The following RAB6A variants were observed in gnomAD, a reference collection of about 807,000 sequenced individuals.
RAB6A encodes the protein RAB6A, member RAS oncogene family.
In RAB6A, 8 loss-of-function variants were observed where a neutral mutation model predicts 32.3. The observed-to-expected ratio is 0.25, with a 90% CI of 0.15 to 0.45. RAB6A has a LOEUF of 0.45. Ranked by LOEUF, RAB6A falls within the 20% of genes least tolerant of loss-of-function variation. RAB6A has a pLI of 1.00. For synonymous variants in RAB6A, 73 were observed against 82.1 expected (o/e 0.89, Z 0.60); for missense variants, 104 against 249.4 (o/e 0.42, Z 3.93).
At chr11:73,691,480 CTTTCAGAGT>C (rs1945562830) in intron 6 of RAB6A, among the ~76,000 whole-genome samples, 1 of 152,214 alleles carries the variant, frequency 6.6e-6, no homozygotes, top group South Asian at 2.1e-4. Context: ...ACCAGTAGTT[CTTTCAGAGT>C]TATTTACTGC....
At chr11:73,726,155 C>G (rs535825558) in intron 2 of RAB6A, among the ~76,000 whole-genome samples, 1 of 151,388 alleles carries the variant, frequency 6.6e-6, no homozygotes, top group African/African-American at 2.4e-5. Flanking sequence ...TGTGGTGGTG[C>G]GCATGTGTAG....
intron 6 of RAB6A, among the ~76,000 whole-genome samples, chr11:73,686,425 G>C (rs1007858795): frequency 6.6e-6 from 1 of 152,046 alleles, no homozygotes. Flanking sequence ...GTGGTGGCAG[G>C]CACCTGTAAT....
intron 2 of RAB6A, among the ~76,000 whole-genome samples, chr11:73,721,720 A>G (rs1946135111): frequency 6.6e-6 from 1 of 152,182 alleles, no homozygotes; most frequent in Non-Finnish European, 1.5e-5. Flanking sequence ...GTTTGTGTGC[A>G]CATATACTAT....
chr11:73,713,073 T>C (rs1945990312), intron 5 of RAB6A, among the ~76,000 whole-genome samples: 3 of 152,132 alleles, frequency 2.0e-5, no homozygotes, highest in African/African-American at 7.2e-5. Flanking sequence ...ATCTTATAAC[T>C]TCAGAGGTGA....
At chr11:73,709,617 T>C (rs1305074490) in intron 5 of RAB6A, among the ~76,000 whole-genome samples, 1 of 150,100 alleles carries the variant, frequency 6.7e-6, no homozygotes, top group Non-Finnish European at 1.5e-5. Context: ...TGATTTATGG[T>C]ATGACATGTT....
At chr11:73,718,014 T>A in intron 4 of RAB6A, among the ~76,000 whole-genome samples, 1 of 152,208 alleles carries the variant, frequency 6.6e-6, no homozygotes, top group East Asian at 1.9e-4. Context: ...TTGTTTCACC[T>A]CCTATTTAAA....
intron 1 of RAB6A, among the ~76,000 whole-genome samples, chr11:73,738,597 T>A (rs1452563800): frequency 6.6e-6 from 1 of 152,078 alleles, no homozygotes; most frequent in Non-Finnish European, 1.5e-5. Context: ...TACTATAAAC[T>A]GTGATAGTGC....
At chr11:73,722,299 G>A (rs1946144907) in intron 2 of RAB6A, 1 of 27,506 alleles carries the variant, frequency 3.6e-5, no homozygotes, top group Non-Finnish European at 6.7e-5. Flanking sequence ...ATATATATGT[G>A]TGTGTGTATA....
intron 1 of RAB6A, chr11:73,759,918 C>T (rs777589508): frequency 4.0e-6 from 3 of 751,492 alleles, no homozygotes; most frequent in Admixed American, 5.5e-5. Context: ...CCACTGCCGA[C>T]GCTACCCCTT....
intron 6 of RAB6A, among the ~76,000 whole-genome samples, chr11:73,703,903 G>A (rs572863350): frequency 1.0e-4 from 15 of 150,678 alleles, no homozygotes; most frequent in Admixed American, 8.6e-4. Flanking sequence ...GGTGGCATGC[G>A]CCTGTAGTCC....
chr11:73,681,391 T>C (rs530924349), intron 6 of RAB6A, among the ~76,000 whole-genome samples: 43 of 152,328 alleles, frequency 2.8e-4, no homozygotes, highest in African/African-American at 1.0e-3. Context: ...AAAACCTCAC[T>C]TGGCTGAAAT....
chr11:73,681,079 TA>T (rs1390723923), intron 6 of RAB6A, among the ~76,000 whole-genome samples: 2 of 152,206 alleles, frequency 1.3e-5, no homozygotes, highest in African/African-American at 4.8e-5. Context: ...ACCCATAAAT[TA>T]AATGCATATG....
intron 5 of RAB6A, among the ~76,000 whole-genome samples, chr11:73,714,704 G>A (rs905635901): frequency 1.3e-5 from 2 of 151,736 alleles, no homozygotes; most frequent in African/African-American, 4.8e-5. Context: ...GGCAGGGCGC[G>A]GTGGCTCACG....
chr11:73,731,239 ACT>A lies in RAB6A; in HGVS notation c.71-418_71-417del, dbSNP rs1946296592. Among the ~76,000 whole-genome samples the A allele has an allele frequency of 2.0e-5, 3 of 151,980 alleles. No individual in the cohort carries two copies. In the South Asian group the frequency reaches 6.2e-4, roughly 32 times the overall value. ...GGGGTATGAGGGCTACAAGAACTAC[ACT>A]GTTTTAAGAGTGAGAAAAACTGGCC... is the stretch of plus-strand genomic sequence containing the variant. On this transcript the variant is annotated intron_variant, in intron 1 of 7. Transcript: ENST00000336083.
chr11:73,728,610 A>AAAT (rs71065031), intron 2 of RAB6A, among the ~76,000 whole-genome samples: 8,696 of 136,386 alleles, frequency 0.064, 304 homozygotes, highest in Middle Eastern at 0.1. Context: ...GTCTTTGTTT[A>AAAT]AATAATAATA....
chr11:73,698,358 C>T (rs76052288), intron 6 of RAB6A, among the ~76,000 whole-genome samples: 8,256 of 152,152 alleles, frequency 0.054, 356 homozygotes, highest in East Asian at 0.17. Flanking sequence ...ACTAAATAGA[C>T]CTGGGCTCAC....
intron 5 of RAB6A, 46 bp from the exon 6 acceptor site, chr11:73,707,559 T>A: frequency 7.4e-7 from 1 of 1,357,412 alleles, no homozygotes; most frequent in Non-Finnish European, 1.0e-6. Flanking sequence ...CATGAGGCAG[T>A]ATTATAAAGA....
intron 2 of RAB6A, chr11:73,730,042 T>C (rs1442544603): frequency 6.6e-6 from 1 of 152,362 alleles, no homozygotes; most frequent in South Asian, 2.1e-4. Context: ...CCCTCTTCTC[T>C]TGGGATCTGT....
At chr11:73,689,920 C>T (rs1354844200) in intron 6 of RAB6A, among the ~76,000 whole-genome samples, 1 of 146,496 alleles carries the variant, frequency 6.8e-6, no homozygotes, top group African/African-American at 2.5e-5. Context: ...AAAAAAAAGA[C>T]CGACTCAGGC....
Sources: allele counts gnomAD v4.1 joint callset (sites outside exome capture counted in the v4.1 genomes callset), GRCh38; gene constraint gnomAD v4.1.1; transcripts MANE v1.5; gene names NCBI Gene and HGNC (gene_info 2026-07-23, HGNC 2026-07-21).